SPOUT1: variants seen among roughly 807,000 people sequenced by gnomAD.
SPOUT1 encodes 28S rRNA (uridine-N(3))-methyltransferase.
In SPOUT1, 40 loss-of-function variants were observed where a neutral mutation model predicts 54.8. The observed-to-expected ratio is 0.73, with a 90% CI of 0.57 to 0.95. SPOUT1 has a LOEUF of 0.95. Among genes scored for constraint, SPOUT1 ranks in the 40% least tolerant of loss-of-function variants. The pLI is 0.00. For synonymous variants in SPOUT1, 193 were observed against 200.3 expected (o/e 0.96, Z 0.31); for missense variants, 437 against 499.5 (o/e 0.87, Z 1.19).
Position 128,822,658 on chromosome 9 carries a change from A to G in SPOUT1, c.*107T>C, listed in dbSNP as rs1830148974. The G allele has an allele frequency of 2.6e-6, 4 of 1,554,894 alleles. No homozygotes were observed. The East Asian group carries it at 9.6e-5, about 37-fold the overall frequency. ...GGGTGTGTGCAGGCCGGGGAGTATT[A>G]AAGGTGGTGATTTTTGGAGACAAGT... is the stretch of plus-strand genomic sequence containing the variant. On this transcript the variant is annotated 3_prime_UTR_variant, in exon 12 of 12. Coordinates refer to ENST00000361256, the MANE Select transcript of SPOUT1 (RefSeq NM_016390.4).
At chr9:128,823,482 A>G (rs62583640) in intron 11 of SPOUT1, among the ~76,000 whole-genome samples, 1,523 of 152,268 alleles carry the variant, frequency 0.01, 11 homozygotes, top group Non-Finnish European at 0.015. Flanking sequence ...GCGCACGGCT[A>G]AGGAACCAGA....
In SPOUT1 at chr9:128,820,488, C is replaced by A; in HGVS notation, c.*2277G>T. 1 of 499,466 alleles carries A rather than the reference C, an allele frequency of 2.0e-6. No homozygotes were observed. Among genetic ancestry groups the A allele is most frequent in the Non-Finnish European group, 3.6e-6 (1 of 277,718 alleles). The allele number at this position is 499,466 out of a possible 1,614,324, so 30.9% of individuals were successfully genotyped here. A position where few individuals can be genotyped will look rare whatever the true frequency, so the allele number is the denominator to read the frequency against. On this transcript the variant is annotated 3_prime_UTR_variant, in exon 12 of 12. Coordinates refer to ENST00000361256, the MANE Select transcript of SPOUT1 (RefSeq NM_016390.4). The stretch of plus-strand genomic sequence containing the variant: ...TCTGAAAGGTGGAGACAGGCTCTTC[C>A]TTCATTCGACTCTTGGGAGCTGAGA...
At position 128,829,734 on chromosome 9, in the gene SPOUT1, C is replaced by G; in HGVS notation, c.36+11G>C. 6.3e-7 allele frequency: 1 copy of G among 1,596,276 alleles called. No individual in the cohort carries two copies. Among genetic ancestry groups the G allele is most frequent in the Non-Finnish European group, 8.5e-7 (1 of 1,171,214 alleles). ...TGCTGCCCTGCACGGGGTCCCGCCGCCCGCACTTACCGGGCCGCACGGCCG... is the reference window on the plus strand; with the variant it reads ...TGCTGCCCTGCACGGGGTCCCGCCGGCCGCACTTACCGGGCCGCACGGCCG... On this transcript the variant is annotated intron_variant, in intron 1 of 11. Coordinates refer to ENST00000361256, the MANE Select transcript of SPOUT1 (RefSeq NM_016390.4).
At chr9:128,823,968 C>T in intron 10 of SPOUT1, 74 bp from the exon 11 acceptor site, 1 of 1,590,330 alleles carries the variant, frequency 6.3e-7, no homozygotes, top group African/African-American at 1.3e-5. Flanking sequence ...ACCTCAGTCC[C>T]TCCCCACCCC....
intron 11 of SPOUT1, among the ~76,000 whole-genome samples, 165 bp from the exon 12 acceptor site, chr9:128,822,998 C>T (rs1004126732): frequency 1.4e-4 from 21 of 152,206 alleles, no homozygotes; most frequent in Admixed American, 6.5e-4. Flanking sequence ...ACACTGCACA[C>T]TTGCCACCTG....
Position 128,822,762 on chromosome 9 carries a change from C to A in SPOUT1, c.*3G>T. The A allele has an allele frequency of 6.4e-7, 1 of 1,574,156 alleles. No individual in the cohort carries two copies. The highest frequency in any genetic ancestry group is 2.3e-5 in the East Asian group (1 of 42,910). The stretch of plus-strand genomic sequence containing the variant: ...CACTGATGTCCTCGGCCCCTTAGAA[C>A]TTTCAGGTGTGCCGGGCACCCGCCT... On this transcript the variant is annotated 3_prime_UTR_variant, in exon 12 of 12. Coordinates refer to ENST00000361256, the MANE Select transcript of SPOUT1 (RefSeq NM_016390.4).
intron 3 of SPOUT1, among the ~76,000 whole-genome samples, chr9:128,828,428 G>A (rs1275124729): frequency 1.3e-5 from 2 of 151,832 alleles, no homozygotes; most frequent in African/African-American, 4.8e-5. Flanking sequence ...CTTGGGCAGT[G>A]GAGGTTGCAG....
At chr9:128,827,858 T>C (rs973794367) in intron 3 of SPOUT1, among the ~76,000 whole-genome samples, 2 of 152,104 alleles carry the variant, frequency 1.3e-5, no homozygotes, top group East Asian at 1.9e-4. Flanking sequence ...GAAGTGGAGA[T>C]TGCAGTGAGC....
At chr9:128,825,902 A>T in intron 7 of SPOUT1, 120 bp downstream of exon 7, 2 of 1,326,966 alleles carry the variant, frequency 1.5e-6, no homozygotes, top group Non-Finnish European at 2.1e-6. Flanking sequence ...TCTCTGGCCC[A>T]AATTTGCATC....
chr9:128,825,010 C>T lies in SPOUT1; in HGVS notation c.679G>A (p.Val227Met). The T allele has an allele frequency of 6.3e-7, 1 of 1,585,890 alleles. No homozygotes were observed. Among genetic ancestry groups the T allele is most frequent in the Non-Finnish European group, 8.6e-7 (1 of 1,165,430 alleles). The change falls in exon 8 of 12, where the codon GTG becomes ATG. Residue 227 changes from valine (V) to methionine (M), a missense_variant. Transcript: ENST00000361256. Reference protein sequence around the residue: ...IDKNLEPGLRVTVRLNQQQHP... With the variant: ...IDKNLEPGLRMTVRLNQQQHP... The stretch of plus-strand genomic sequence containing the variant: ...TGCTGCTGGTTCAGTCGCACAGTCA[C>T]CCGAAGCCCGGGCTCCAGGTTCTTG...
intron 3 of SPOUT1, 26 bp downstream of exon 3, chr9:128,828,709 T>A (rs769612644): frequency 6.2e-7 from 1 of 1,612,082 alleles, no homozygotes; most frequent in East Asian, 2.2e-5. Flanking sequence ...CCACAACCTG[T>A]GGCCCTCCCC....
rs780712031 is a variant in SPOUT1, at chr9:128,820,711, T to G, written c.*2054A>C. The G allele has an allele frequency of 2.3e-5, 37 of 1,579,998 alleles. No homozygotes were observed. The highest frequency in any genetic ancestry group is 2.8e-5 in the Non-Finnish European group (33 of 1,158,902). ...AGAGGAGGAAGGGTCCCAGCCACAG[T>G]CCTGCTAAGCCCTATCTCTCCTACC... On this transcript the variant is annotated 3_prime_UTR_variant, in exon 12 of 12. Coordinates refer to ENST00000361256, the MANE Select transcript of SPOUT1 (RefSeq NM_016390.4).
In SPOUT1 at chr9:128,824,066, A is replaced by G. The variant is rs1830186540; in HGVS notation, c.914+6T>C. The G allele has an allele frequency of 6.2e-7, 1 of 1,610,850 alleles. No individual in the cohort carries two copies. The highest frequency in any genetic ancestry group is 8.5e-7 in the Non-Finnish European group (1 of 1,177,610). On this transcript the variant is annotated splice_donor_region_variant and intron_variant, in intron 10 of 11. Transcript: ENST00000361256. ...TGCCCTGGCCGCAGCCCCAGGAGGT[A>G]CACACCTGAAGTTGGGAAGCTGGGC...
In SPOUT1 at chr9:128,824,993, G is replaced by A; in HGVS notation, c.696C>T (p.Asn232=). Reference sequence around the variant, plus strand: ...TCCAGATACCTGGGTGCTGCTGCTGGTTCAGTCGCACAGTCACCCGAAGCC... The same window carrying A: ...TCCAGATACCTGGGTGCTGCTGCTGATTCAGTCGCACAGTCACCCGAAGCC... The part of the protein sequence containing the change: ...EPGLRVTVRL[N]QQQHPDCKTY... The change falls in exon 8 of 12, where the codon AAC becomes AAT. Residue 232 remains asparagine (N), a synonymous_variant. Coordinates refer to ENST00000361256, the MANE Select transcript of SPOUT1 (RefSeq NM_016390.4). The A allele has an allele frequency of 6.3e-7, 1 of 1,594,506 alleles. No individual in the cohort carries two copies. The highest frequency in any genetic ancestry group is 8.5e-7 in the Non-Finnish European group (1 of 1,169,828).
chr9:128,827,576 T>C, intron 3 of SPOUT1, among the ~76,000 whole-genome samples: 1 of 152,242 alleles, frequency 6.6e-6, no homozygotes. Context: ...GATACTGCCA[T>C]TATCCCCATT....
In SPOUT1 at chr9:128,820,627, G is replaced by C. The variant is rs1486945942; in HGVS notation, c.*2138C>G. On this transcript the variant is annotated 3_prime_UTR_variant, in exon 12 of 12. Coordinates refer to ENST00000361256, the MANE Select transcript of SPOUT1 (RefSeq NM_016390.4). Reference sequence around the variant, plus strand: ...CTTGAGCCTCAGTTTCCCCCCGCTTGTCTCACTGGATATCTCTGAGCCTGT... The same window carrying C: ...CTTGAGCCTCAGTTTCCCCCCGCTTCTCTCACTGGATATCTCTGAGCCTGT... The C allele has an allele frequency of 3.2e-5, 27 of 844,378 alleles. No homozygotes were observed. The highest frequency in any genetic ancestry group is 4.9e-5 in the Non-Finnish European group (26 of 526,232). 52.3% of individuals were successfully genotyped at this position (844,378 alleles called of 1,614,324 possible).
chr9:128,824,284 GT>G, intron 9 of SPOUT1, 110 bp from the exon 10 acceptor site: 1 of 606,526 alleles, frequency 1.6e-6, no homozygotes. Flanking sequence ...TGTGTGGTGT[GT>G]GTGTGTGTGT....
chr9:128,822,776 G>A lies in SPOUT1; in HGVS notation c.1120C>T (p.Arg374Trp), dbSNP rs150443788. Reference protein sequence around the residue: ...LQPGLIQAGARHT With the variant: ...LQPGLIQAGAWHT ...GCCCCTTAGAACTTTCAGGTGTGCCGGGCACCCGCCTGGATGAGGCCAGGC... is the reference window on the plus strand; with the variant it reads ...GCCCCTTAGAACTTTCAGGTGTGCCAGGCACCCGCCTGGATGAGGCCAGGC... Residue 374 changes from arginine to tryptophan, a missense_variant, in exon 12 of 12, where the codon CGG becomes TGG. Coordinates refer to ENST00000361256, the MANE Select transcript of SPOUT1 (RefSeq NM_016390.4). 68 of 1,581,340 alleles carry A rather than the reference G, an allele frequency of 4.3e-5. No homozygotes were observed. The African/African-American group carries it at 4.6e-4, about 11-fold the overall frequency.
Position 128,821,992 on chromosome 9 carries a change from T to G in SPOUT1, c.*773A>C. The G allele has an allele frequency of 6.3e-6, 2 of 319,704 alleles. No homozygotes were observed. The highest frequency in any genetic ancestry group is 3.3e-5 in the South Asian group (1 of 29,884). The allele number at this position is 319,704 out of a possible 1,614,324, so 19.8% of individuals were successfully genotyped here. On this transcript the variant is annotated 3_prime_UTR_variant, in exon 12 of 12. Transcript: ENST00000361256. Reference sequence around the variant, plus strand: ...TCACCTGTCATGGTCCTTGCCCACTTGTTGCTCACCTCTGTGGGGAGAGAT... The same window carrying G: ...TCACCTGTCATGGTCCTTGCCCACTGGTTGCTCACCTCTGTGGGGAGAGAT...
Sources: allele counts gnomAD v4.1 joint callset (sites outside exome capture counted in the v4.1 genomes callset), GRCh38; gene constraint gnomAD v4.1.1; transcripts MANE v1.5; gene names NCBI Gene and HGNC (gene_info 2026-07-23, HGNC 2026-07-21).